The following EPB41L5 variants were observed in gnomAD, a reference collection of about 807,000 sequenced individuals.
EPB41L5 encodes band 4.1-like protein 5.
Under a neutral mutation model 106.6 loss-of-function variants are expected in EPB41L5, and 55 were observed. The observed-to-expected ratio is 0.52, with a 90% CI of 0.42 to 0.65. The LOEUF (loss-of-function observed/expected upper bound fraction) is 0.65. EPB41L5 is among the 30% of genes least tolerant of loss of function. The pLI is 0.00. For missense variants in EPB41L5, 871 were observed against 882.1 expected (o/e 0.99, Z 0.16); for synonymous variants, 297 against 306.7 (o/e 0.97, Z 0.33).
At chr2:120,034,733 T>C in intron 2 of EPB41L5, among the ~76,000 whole-genome samples, 1 of 151,444 alleles carries the variant, frequency 6.6e-6, no homozygotes, top group Non-Finnish European at 1.5e-5. Context: ...GGCATCATGG[T>C]GCACACCTGT....
intron 16 of EPB41L5, among the ~76,000 whole-genome samples, chr2:120,118,668 C>T (rs1260945154): frequency 2.0e-5 from 3 of 152,220 alleles, no homozygotes; most frequent in East Asian, 1.9e-4. Flanking sequence ...CTGCAAAGGA[C>T]GTGATCTCAT....
chr2:120,097,248 C>T (rs1296107855), intron 14 of EPB41L5, among the ~76,000 whole-genome samples: 2 of 152,070 alleles, frequency 1.3e-5, no homozygotes, highest in African/African-American at 2.4e-5. Context: ...ACCCAACTCT[C>T]CTGAAGGTTA....
intron 8 of EPB41L5, 42 bp downstream of exon 8, chr2:120,077,133 C>G: frequency 6.3e-7 from 1 of 1,595,804 alleles, no homozygotes; most frequent in Non-Finnish European, 8.5e-7. Flanking sequence ...ATCACCACAA[C>G]AGTTATTTCA....
intron 2 of EPB41L5, among the ~76,000 whole-genome samples, chr2:120,023,231 G>A (rs989787229): frequency 7.2e-5 from 11 of 152,122 alleles, no homozygotes; most frequent in Middle Eastern, 3.2e-3. Context: ...ATTGCTTTTG[G>A]TGATATAGTC....
chr2:120,037,133 C>A (rs897468336), intron 2 of EPB41L5, among the ~76,000 whole-genome samples: 2 of 151,470 alleles, frequency 1.3e-5, no homozygotes, highest in African/African-American at 2.4e-5. Flanking sequence ...TAGCAATGAT[C>A]TGAAAACAAA....
rs201334653 is a variant in EPB41L5, at chr2:120,087,157, T to C, written c.804-14T>C. The C allele has an allele frequency of 8.6e-6, 13 of 1,503,668 alleles. No homozygotes were observed. The Admixed American group carries it at 2.1e-4, about 24-fold the overall frequency. 93.1% of individuals were successfully genotyped at this position (1,503,668 alleles called of 1,614,324 possible). ...TGTTTGTAATTTGGCTTTTATTCTC[T>C]TATTATATTATAGGCCGAAGATAAC... is the stretch of plus-strand genomic sequence containing the variant. On this transcript the variant is annotated splice_polypyrimidine_tract_variant and intron_variant, in intron 10 of 24. Coordinates refer to ENST00000263713, the MANE Select transcript of EPB41L5 (RefSeq NM_020909.4).
At chr2:120,020,173 C>G (rs767667336) in intron 2 of EPB41L5, among the ~76,000 whole-genome samples, 13 of 152,134 alleles carry the variant, frequency 8.5e-5, no homozygotes, top group Non-Finnish European at 1.8e-4. Flanking sequence ...TCCTTAATGT[C>G]TTTTCTCCCC....
At chr2:120,106,994 C>A in intron 16 of EPB41L5, 2 of 830,378 alleles carry the variant, frequency 2.4e-6, no homozygotes, top group Non-Finnish European at 2.9e-6. Context: ...TAATTCAAAT[C>A]ATCTTTTTTT....
intron 2 of EPB41L5, among the ~76,000 whole-genome samples, chr2:120,029,456 A>G (rs115000352): frequency 0.021 from 3,221 of 152,268 alleles, 114 homozygotes; most frequent in African/African-American, 0.073. Flanking sequence ...TCAACCTCCC[A>G]AAGTGCTGGG....
chr2:120,142,031 A>G (rs1194953998), intron 18 of EPB41L5, among the ~76,000 whole-genome samples: 1 of 151,002 alleles, frequency 6.6e-6, no homozygotes, highest in East Asian at 1.9e-4. Flanking sequence ...CAACTTTGAG[A>G]TGCCGTGATT....
chr2:120,027,628 C>G (rs916925631), intron 2 of EPB41L5, among the ~76,000 whole-genome samples: 1 of 152,082 alleles, frequency 6.6e-6, no homozygotes, highest in African/African-American at 2.4e-5. Context: ...TGGATTTGAA[C>G]TCTTAGGCTC....
chr2:120,069,499 C>G (rs1558844439), intron 3 of EPB41L5, among the ~76,000 whole-genome samples: 1 of 152,148 alleles, frequency 6.6e-6, no homozygotes, highest in Non-Finnish European at 1.5e-5. Context: ...ACTCTCCACC[C>G]CAGATCAGCA....
In EPB41L5 at chr2:120,175,435, A is replaced by G. The variant is rs955137917; in HGVS notation, c.*528A>G. 2 of 152,626 alleles carry G rather than the reference A, an allele frequency of 1.3e-5. No homozygotes were observed. The highest frequency in any genetic ancestry group is 2.9e-5 in the Non-Finnish European group (2 of 68,800). The allele number at this position is 152,626 out of a possible 1,614,324, so 9.5% of individuals were successfully genotyped here. A position where few individuals can be genotyped will look rare whatever the true frequency, so the allele number is the denominator to read the frequency against. ...AGGGCCAACTTTTTTTTTTTTTTACAATTATTACAACACTAAAGAGAAGTT... is the reference window on the plus strand; with the variant it reads ...AGGGCCAACTTTTTTTTTTTTTTACGATTATTACAACACTAAAGAGAAGTT... On this transcript the variant is annotated 3_prime_UTR_variant, in exon 25 of 25. Coordinates refer to ENST00000263713, the MANE Select transcript of EPB41L5 (RefSeq NM_020909.4).
intron 3 of EPB41L5, among the ~76,000 whole-genome samples, chr2:120,061,542 G>A (rs1322756669): frequency 2.0e-5 from 3 of 151,634 alleles, no homozygotes; most frequent in Non-Finnish European, 4.4e-5. Context: ...AATAGAGACA[G>A]GGTTTCACCA....
chr2:120,070,687 G>A (rs772495304), intron 3 of EPB41L5, among the ~76,000 whole-genome samples: 6 of 152,050 alleles, frequency 3.9e-5, no homozygotes, highest in Non-Finnish European at 5.9e-5. Flanking sequence ...TTCAACATAC[G>A]CAAATCAATA....
At chr2:120,091,413 A>C (rs1487362023) in intron 12 of EPB41L5, 142 bp from the exon 13 acceptor site, 4 of 608,228 alleles carry the variant, frequency 6.6e-6, no homozygotes. Flanking sequence ...AAAGAGAGAG[A>C]TCGAGACTAT....
chr2:120,116,596 A>G (rs1445796020), intron 16 of EPB41L5, among the ~76,000 whole-genome samples: 1 of 152,180 alleles, frequency 6.6e-6, no homozygotes, highest in Non-Finnish European at 1.5e-5. Context: ...ATCATGGCTC[A>G]CTGCAGCCTC....
In EPB41L5 at chr2:120,075,837, T is replaced by C. The variant is rs578193721; in HGVS notation, c.505+84T>C. On this transcript the variant is annotated intron_variant, in intron 7 of 24. Transcript: ENST00000263713. ...TTAGTTAAAGAAGATTCTAATTATGTGCAAGAAAAGAAACAACACTGTTTT... is the reference window on the plus strand; with the variant it reads ...TTAGTTAAAGAAGATTCTAATTATGCGCAAGAAAAGAAACAACACTGTTTT... 5.4e-6 allele frequency: 6 copies of C among 1,107,244 alleles called. No homozygotes were observed. In the South Asian group the frequency reaches 6.4e-5, roughly 12 times the overall value. 68.6% of individuals were successfully genotyped at this position (1,107,244 alleles called of 1,614,324 possible). A position where few individuals can be genotyped will look rare whatever the true frequency, so the allele number is the denominator to read the frequency against.
intron 16 of EPB41L5, among the ~76,000 whole-genome samples, chr2:120,110,759 G>A (rs569320123): frequency 2.0e-5 from 3 of 151,176 alleles, no homozygotes; most frequent in Admixed American, 6.6e-5. Flanking sequence ...CTCAGCTTCC[G>A]GAGTAGCTGG....
Sources: allele counts gnomAD v4.1 joint callset (sites outside exome capture counted in the v4.1 genomes callset), GRCh38; gene constraint gnomAD v4.1.1; transcripts MANE v1.5; gene names NCBI Gene and HGNC (gene_info 2026-07-23, HGNC 2026-07-21).